Variants in ATP13A1 observed in about 807,000 individuals in gnomAD.
ATP13A1 encodes the protein ATPase 13A1.
A neutral mutation model predicts 134.8 loss-of-function variants in ATP13A1; 55 were observed. The ratio of observed to expected loss-of-function variants is 0.41; its 90% CI spans 0.33 to 0.51. The LOEUF (loss-of-function observed/expected upper bound fraction) is 0.51. ATP13A1 is among the 20% of genes least tolerant of loss of function. The pLI is 0.29. For synonymous variants in ATP13A1, 775 were observed against 725.1 expected (o/e 1.07, Z -1.10); for missense variants, 1,389 against 1,652.8 (o/e 0.84, Z 2.77).
chr19:19,649,929 C>T lies in ATP13A1; in HGVS notation c.2347G>A (p.Glu783Lys), dbSNP rs143627291. Residue 783 changes from glutamate (E) to lysine (K), a missense_variant, in exon 18 of 26, where the codon GAG (glutamate) becomes AAG (lysine). Physicochemically the swap from Glu to Lys is moderately conservative, Grantham distance 56. This residue lies in a region of ATP13A1 where 747 missense variants were observed against 956.1 expected (regional missense o/e 0.78). Coordinates refer to ENST00000357324, the MANE Select transcript of ATP13A1 (RefSeq NM_020410.3). ...QPPSEKGRQCEWRSIDGSIVL... is the reference protein window; with the variant it reads ...QPPSEKGRQCKWRSIDGSIVL... ...ATGCTGCCGTCAATGGAGCGCCACTCGCACTGCCGGCCTGCGGGCAGCACC... is the reference window on the plus strand; with the variant it reads ...ATGCTGCCGTCAATGGAGCGCCACTTGCACTGCCGGCCTGCGGGCAGCACC... The T allele has an allele frequency of 2.4e-5, 38 of 1,592,718 alleles. No homozygotes were observed. The highest frequency in any genetic ancestry group is 1.7e-4 in the African/African-American group (13 of 74,730).
At chr19:19,646,829 G>A in intron 22 of ATP13A1, 1 of 465,746 alleles carries the variant, frequency 2.1e-6, no homozygotes, top group South Asian at 2.7e-5. Flanking sequence ...TGTAGCCTAT[G>A]ACCCACTTAG....
intron 15 of ATP13A1, chr19:19,652,935 C>T (rs2062034201): frequency 1.6e-6 from 1 of 620,270 alleles, no homozygotes; most frequent in African/African-American, 1.9e-5. Flanking sequence ...GTCTGGGTCC[C>T]CCGAATGTGG....
rs2062041444 is a variant in ATP13A1, at chr19:19,654,011, G to A, written c.1947C>T (p.Tyr649=). ...YEKLGSTDLC[Y]IAAVKGAPET... ...CGGGGGCCCCCTTCACGGCCGCGAT[G>A]TAGCAGAGGTCGGTGGAGCCCAGCT... Residue 649 remains tyrosine (Y), a synonymous_variant, in exon 14 of 26, where the codon TAC becomes TAT. Transcript: ENST00000357324. 2 of 1,599,176 alleles carry A rather than the reference G, an allele frequency of 1.3e-6. No homozygotes were observed. The highest frequency in any genetic ancestry group is 1.1e-5 in the South Asian group (1 of 88,450).
chr19:19,662,442 A>C, intron 1 of ATP13A1: 1 of 891,866 alleles, frequency 1.1e-6, no homozygotes, highest in Non-Finnish European at 1.3e-6. Context: ...TCCTGGAATC[A>C]GAGGGGAAGC....
Position 19,645,342 on chromosome 19 carries a change from G to A in ATP13A1, c.*80C>T, listed in dbSNP as rs565703079. 3.4e-4 allele frequency: 490 copies of A among 1,438,820 alleles called. 5 individuals carry two copies. The highest frequency in any genetic ancestry group is 3.8e-5 in the South Asian group (3 of 79,880). 89.1% of individuals were successfully genotyped at this position (1,438,820 alleles called of 1,614,324 possible). A position where few individuals can be genotyped will look rare whatever the true frequency, so the allele number is the denominator to read the frequency against. On this transcript the variant is annotated 3_prime_UTR_variant, in exon 26 of 26. Transcript: ENST00000357324. The surrounding 1 kb of genome is among the most constrained non-coding windows in gnomAD (Gnocchi z 4.1). ...ACAGCCTTGCTGTGGGGGGTTGGGG[G>A]CAGGGTTCCCTCCCGGGGCCCTGTT...
intron 1 of ATP13A1, chr19:19,662,978 G>A (rs971877309): frequency 1.8e-6 from 1 of 564,976 alleles, no homozygotes; most frequent in East Asian, 3.3e-5. Flanking sequence ...CCTGACCTGG[G>A]CGACGTATGC....
chr19:19,651,128 G>A (rs993056543), intron 17 of ATP13A1: 4 of 152,232 alleles, frequency 2.6e-5, no homozygotes, highest in African/African-American at 9.7e-5. Context: ...AGGGCCCCGA[G>A]AGCTGACCCA....
At chr19:19,650,106 T>C (rs1432245595) in intron 17 of ATP13A1, 166 bp from the exon 18 acceptor site, 2 of 645,254 alleles carry the variant, frequency 3.1e-6, no homozygotes, top group Admixed American at 2.9e-5. Context: ...CCACAAAGAA[T>C]GTCCCTCAGG....
chr19:19,648,861 C>T (rs1480802159), intron 19 of ATP13A1, among the ~76,000 whole-genome samples: 2 of 146,984 alleles, frequency 1.4e-5, no homozygotes, highest in African/African-American at 5.1e-5. Context: ...GTGGTTCACA[C>T]CTGTAATCCT....
At position 19,656,869 on chromosome 19, in the gene ATP13A1, T is replaced by G; in HGVS notation, c.954A>C (p.Val318=). 1 of 1,612,548 alleles carries G rather than the reference T, an allele frequency of 6.2e-7. No individual in the cohort carries two copies. The highest frequency in any genetic ancestry group is 2.2e-5 in the East Asian group (1 of 44,832). ...CACCGATGGAGACGATGTCCCCTGG[T>G]ACGATCTCATCACTGGCAATGGGCC... ...KWRPIASDEI[V]PGDIVSIGRS... Residue 318 remains valine, a synonymous_variant, in exon 6 of 26, where the codon GTA becomes GTC. Transcript: ENST00000357324. This position sits in a 1 kb window ranked among gnomAD's most constrained non-coding sequence, Gnocchi z 4.6.
At chr19:19,660,810 T>C (rs1329366876) in intron 1 of ATP13A1, among the ~76,000 whole-genome samples, 1 of 148,092 alleles carries the variant, frequency 6.8e-6, no homozygotes, top group Non-Finnish European at 1.5e-5. Flanking sequence ...CTGGGTGCAG[T>C]GGCTCACACC....
In ATP13A1 at chr19:19,655,511, G is replaced by C; in HGVS notation, c.1396+17C>G. On this transcript the variant is annotated intron_variant, in intron 10 of 25. Transcript: ENST00000357324. The surrounding 1 kb of genome is among the most constrained non-coding windows in gnomAD (Gnocchi z 5.7). Reference sequence around the variant, plus strand: ...CGGAGGGTGGGCGCAGGGGACCACAGAGGCCGTGGCGCTTACCTTCAATCC... The same window carrying C: ...CGGAGGGTGGGCGCAGGGGACCACACAGGCCGTGGCGCTTACCTTCAATCC... The C allele has an allele frequency of 6.2e-7, 1 of 1,614,002 alleles. No homozygotes were observed. Among genetic ancestry groups the C allele is most frequent in the Non-Finnish European group, 8.5e-7 (1 of 1,179,882 alleles).
At position 19,653,411 on chromosome 19, in the gene ATP13A1, A is replaced by G. The variant is rs2062036876; in HGVS notation, c.2100+373T>C. The G allele has an allele frequency of 3.3e-6, 1 of 300,320 alleles. No individual in the cohort carries two copies. Among genetic ancestry groups the G allele is most frequent in the South Asian group, 4.3e-5 (1 of 23,024 alleles). 18.6% of individuals were successfully genotyped at this position (300,320 alleles called of 1,614,324 possible). Reference sequence around the variant, plus strand: ...GTGCAAGCAGAAAGAACGAGAGCCCAGGAAGAAGCCAAGCGGCAGATGTGC... The same window carrying G: ...GTGCAAGCAGAAAGAACGAGAGCCCGGGAAGAAGCCAAGCGGCAGATGTGC... On this transcript the variant is annotated intron_variant, in intron 15 of 25. Coordinates refer to ENST00000357324, the MANE Select transcript of ATP13A1 (RefSeq NM_020410.3). This position sits in a 1 kb window ranked among gnomAD's most constrained non-coding sequence, Gnocchi z 4.2.
intron 17 of ATP13A1, chr19:19,651,142 A>C (rs117211530): frequency 0.027 from 4,187 of 152,324 alleles, 71 homozygotes; most frequent in African/African-American, 0.042. Flanking sequence ...TGACCCAGCC[A>C]GCTTCCTCCT....
At chr19:19,663,183 C>A in intron 1 of ATP13A1, 88 bp downstream of exon 1, 3 of 1,531,484 alleles carry the variant, frequency 2.0e-6, no homozygotes, top group Non-Finnish European at 2.7e-6. Context: ...TGGCCCAGGT[C>A]GCGATGGTGA....
intron 22 of ATP13A1, 151 bp downstream of exon 22, chr19:19,646,978 C>A: frequency 1.2e-6 from 1 of 867,514 alleles, no homozygotes; most frequent in Non-Finnish European, 1.7e-6. Flanking sequence ...TCCACACCTG[C>A]CCTGCCAGCA....
At chr19:19,662,443 G>A (rs1156749879) in intron 1 of ATP13A1, 24 of 883,862 alleles carry the variant, frequency 2.7e-5, no homozygotes, top group Non-Finnish European at 3.0e-5. Flanking sequence ...CCTGGAATCA[G>A]AGGGGAAGCT....
intron 17 of ATP13A1, chr19:19,650,187 A>C (rs2144996590): frequency 1.7e-6 from 1 of 578,388 alleles, no homozygotes; most frequent in African/African-American, 1.9e-5. Context: ...GCCAGATTAG[A>C]ACCTGGGCAG....
Position 19,655,849 on chromosome 19 carries a change from G to A in ATP13A1, c.1269+29C>T, listed in dbSNP as rs1271533469. On this transcript the variant is annotated intron_variant, in intron 9 of 25. Coordinates refer to ENST00000357324, the MANE Select transcript of ATP13A1 (RefSeq NM_020410.3). The surrounding 1 kb of genome is among the most constrained non-coding windows in gnomAD (Gnocchi z 5.7). ...ACCTTGGCTGTCCAACTGCCCTGGG[G>A]CCCGCCCTCCCCAGACCTGGCCCCG... 1 of 1,561,662 alleles carries A rather than the reference G, an allele frequency of 6.4e-7. No individual in the cohort carries two copies. Among genetic ancestry groups the A allele is most frequent in the South Asian group, 1.2e-5 (1 of 85,760 alleles).
Sources: allele counts gnomAD v4.1 joint callset (sites outside exome capture counted in the v4.1 genomes callset), GRCh38; gene constraint gnomAD v4.1.1; regional missense constraint gnomAD v4.1.1; non-coding constraint Gnocchi (gnomAD v3.1); transcripts MANE v1.5; gene names NCBI Gene and HGNC (gene_info 2026-07-23, HGNC 2026-07-21).